The following DPYSL2 variants were observed in gnomAD, a reference collection of about 807,000 sequenced individuals.
The protein encoded by DPYSL2 is dihydropyrimidinase like 2.
A neutral mutation model predicts 69.9 loss-of-function variants in DPYSL2; 13 were observed. The ratio of observed to expected loss-of-function variants is 0.19; its 90% CI spans 0.12 to 0.30. The LOEUF is 0.30. Among genes scored for constraint, DPYSL2 ranks in the 10% least tolerant of loss-of-function variants. DPYSL2 has a pLI of 1.00. For missense variants in DPYSL2, 587 were observed against 918.9 expected (o/e 0.64, Z 4.67); for synonymous variants, 326 against 359.1 (o/e 0.91, Z 1.04).
intron 3 of DPYSL2, among the ~76,000 whole-genome samples, chr8:26,616,961 G>A (rs11775862): frequency 0.11 from 16,920 of 152,190 alleles, 1,165 homozygotes; most frequent in Middle Eastern, 0.22. Context: ...CCTGCTCCAC[G>A]TGCGTAACCC....
rs145604247 is a variant in DPYSL2 at position 26,607,237 on chromosome 8, C to T, written c.629-16906C>T. ...TGGTGCCTCACGCCTGTTATCCCAG[C>T]ACTTTGGGAGGCTGAGGTGGGTGAA... On this transcript the variant is annotated intron_variant, in intron 3 of 13. Coordinates refer to ENST00000521913, the MANE Select transcript of DPYSL2 (RefSeq NM_001197293.3). Among the ~76,000 whole-genome samples the T allele has an allele frequency of 3.1e-3, 473 of 152,242 alleles. 7 individuals carry two copies. The Middle Eastern group carries it at 0.037, about 12-fold the overall frequency.
At position 26,624,435 on chromosome 8, in the gene DPYSL2, G is replaced by C; in HGVS notation, c.793+128G>C. The C allele has an allele frequency of 8.0e-7, 1 of 1,250,746 alleles. No homozygotes were observed. The highest frequency in any genetic ancestry group is 1.1e-6 in the Non-Finnish European group (1 of 898,322). 77.5% of individuals were successfully genotyped at this position (1,250,746 alleles called of 1,614,324 possible). A position where few individuals can be genotyped will look rare whatever the true frequency, so the allele number is the denominator to read the frequency against. ...TGCCTCATGCCCATGCCTGCCCCTG[G>C]GAAGGAGAGAGGGCTTTGGGCCGCA... is the stretch of plus-strand genomic sequence containing the variant. On this transcript the variant is annotated intron_variant, in intron 4 of 13. Transcript: ENST00000521913. This position sits in a 1 kb window ranked among gnomAD's most constrained non-coding sequence, Gnocchi z 4.7.
At chr8:26,649,613 G>A (rs961850682) in intron 11 of DPYSL2, among the ~76,000 whole-genome samples, 3 of 152,186 alleles carry the variant, frequency 2.0e-5, no homozygotes, top group Non-Finnish European at 4.4e-5. Flanking sequence ...TTCATCTTCT[G>A]GGAAAATGCA....
At chr8:26,554,574 G>A (rs537512087) in intron 1 of DPYSL2, among the ~76,000 whole-genome samples, 14 of 152,096 alleles carry the variant, frequency 9.2e-5, no homozygotes, top group Non-Finnish European at 1.8e-4. Flanking sequence ...TGGCATCTTC[G>A]TCATGAAATC....
At chr8:26,559,769 C>G (rs1260492614) in intron 1 of DPYSL2, among the ~76,000 whole-genome samples, 1 of 152,160 alleles carries the variant, frequency 6.6e-6, no homozygotes, top group African/African-American at 2.4e-5. Context: ...ATCATCAGCT[C>G]TATTGATCTT....
chr8:26,644,318 A>AC lies in DPYSL2; in HGVS notation c.1425+227_1425+228insC, dbSNP rs1484496571. Among the ~76,000 whole-genome samples the AC allele has an allele frequency of 6.6e-6, 1 of 152,038 alleles. No homozygotes were observed. The highest frequency in any genetic ancestry group is 1.5e-5 in the Non-Finnish European group (1 of 67,994). ...TATTTCTTTTTAAAACAATTTTTAA[A>AC]TTTTTTTCAGACAAGGTCTTGCTCT... On this transcript the variant is annotated intron_variant, in intron 10 of 13. Coordinates refer to ENST00000521913, the MANE Select transcript of DPYSL2 (RefSeq NM_001197293.3). The surrounding 1 kb of genome is among the most constrained non-coding windows in gnomAD (Gnocchi z 4.5).
At chr8:26,519,499 G>C (rs1563372356) in intron 1 of DPYSL2, among the ~76,000 whole-genome samples, 1 of 152,096 alleles carries the variant, frequency 6.6e-6, no homozygotes, top group African/African-American at 2.4e-5. Context: ...TTAAATTCTA[G>C]ATTCTACATT....
intron 1 of DPYSL2, among the ~76,000 whole-genome samples, chr8:26,538,905 C>T (rs950916896): frequency 2.0e-5 from 3 of 152,188 alleles, no homozygotes; most frequent in South Asian, 2.1e-4. Context: ...CCCAACAACC[C>T]TCATCACATC....
chr8:26,524,133 A>G (rs11985336), intron 1 of DPYSL2, among the ~76,000 whole-genome samples: 1 of 152,214 alleles, frequency 6.6e-6, no homozygotes, highest in Non-Finnish European at 1.5e-5. Flanking sequence ...GACATTCCCA[A>G]CAACAGTTCC....
Position 26,641,558 on chromosome 8 carries a change from G to A in DPYSL2, c.1127-1881G>A, listed in dbSNP as rs901423599. Among the ~76,000 whole-genome samples the A allele has an allele frequency of 3.3e-5, 5 of 152,218 alleles. No homozygotes were observed. The highest frequency in any genetic ancestry group is 1.2e-4 in the African/African-American group (5 of 41,454). On this transcript the variant is annotated intron_variant, in intron 8 of 13. Coordinates refer to ENST00000521913, the MANE Select transcript of DPYSL2 (RefSeq NM_001197293.3). This position sits in a 1 kb window ranked among gnomAD's most constrained non-coding sequence, Gnocchi z 4.1. ...AGCGGCCAAGGCCTTCTCATTATGT[G>A]GTGTTTTTCCACTTCGGGATGAACC... is the stretch of plus-strand genomic sequence containing the variant.
At chr8:26,589,278 T>C (rs762983450) in intron 3 of DPYSL2, among the ~76,000 whole-genome samples, 1 of 152,240 alleles carries the variant, frequency 6.6e-6, no homozygotes, top group Non-Finnish European at 1.5e-5. Context: ...GATCTGTGGC[T>C]GCTGTGTGGC....
At chr8:26,556,285 A>AGTATATATATAGT (rs1261734787) in intron 1 of DPYSL2, among the ~76,000 whole-genome samples, 1 of 3,098 alleles carries the variant, frequency 3.2e-4, no homozygotes, top group Non-Finnish European at 1.0e-3. Context: ...GTATTTATAT[A>AGTATATATATAGT]ATATATATAG....
In DPYSL2 at chr8:26,560,046, C is replaced by T. The variant is rs1395238263; in HGVS notation, c.355-21923C>T. On this transcript the variant is annotated intron_variant, in intron 1 of 13. Coordinates refer to ENST00000521913, the MANE Select transcript of DPYSL2 (RefSeq NM_001197293.3). The surrounding 1 kb of genome is among the most constrained non-coding windows in gnomAD (Gnocchi z 4.4). ...CTCCACTTTCCTTTGCCTCACATCC[C>T]AGCTCTGCCATGGCTAGTCCATGGG... 6.6e-6 allele frequency among the ~76,000 whole-genome samples: 1 copy of T among 152,212 alleles called. No homozygotes were observed. Among genetic ancestry groups the T allele is most frequent in the African/African-American group, 2.4e-5 (1 of 41,462 alleles).
chr8:26,582,211 A>T lies in DPYSL2; in HGVS notation c.443+154A>T, dbSNP rs563340893. ...AAACTGGTTTTGATTGGTGGTAATTAGTGAATTTGAAAACTCAAATTTAGG... is the reference window on the plus strand; with the variant it reads ...AAACTGGTTTTGATTGGTGGTAATTTGTGAATTTGAAAACTCAAATTTAGG... On this transcript the variant is annotated intron_variant, in intron 2 of 13. Transcript: ENST00000521913. This position sits in a 1 kb window ranked among gnomAD's most constrained non-coding sequence, Gnocchi z 4.1. 4.6e-4 allele frequency among the ~76,000 whole-genome samples: 70 copies of T among 152,362 alleles called. No homozygotes were observed. Among genetic ancestry groups the T allele is most frequent in the African/African-American group, 1.6e-3 (68 of 41,588 alleles).
rs1412469113 is a variant in DPYSL2 at position 26,620,331 on chromosome 8, A to T, written c.629-3812A>T. ...GAGTGCAGTGGTGCAATCTCAGCTC[A>T]CTGCAACCTCCGCCTCCTGGGTTCA... On this transcript the variant is annotated intron_variant, in intron 3 of 13. Coordinates refer to ENST00000521913, the MANE Select transcript of DPYSL2 (RefSeq NM_001197293.3). This position sits in a 1 kb window ranked among gnomAD's most constrained non-coding sequence, Gnocchi z 4.5. Among the ~76,000 whole-genome samples, 2 of 152,072 alleles carry T rather than the reference A, an allele frequency of 1.3e-5. No homozygotes were observed. Among genetic ancestry groups the T allele is most frequent in the African/African-American group, 4.8e-5 (2 of 41,388 alleles).
intron 1 of DPYSL2, chr8:26,578,158 A>G: frequency 1.3e-6 from 2 of 1,599,782 alleles, no homozygotes; most frequent in East Asian, 4.5e-5. Flanking sequence ...CTTGCAAAGG[A>G]AAAAAACAAA....
rs1157493768 is a variant in DPYSL2 at position 26,610,524 on chromosome 8, A to AAG, written c.629-13619_629-13618insAG. Among the ~76,000 whole-genome samples, 1 of 152,174 alleles carries AAG rather than the reference A, an allele frequency of 6.6e-6. No homozygotes were observed. Among genetic ancestry groups the AAG allele is most frequent in the East Asian group, 1.9e-4 (1 of 5,184 alleles). The stretch of plus-strand genomic sequence containing the variant: ...GTTTGGGTCGTATGCAGTTTCATGC[A>AAG]GAAGACTTAGCTAGATGAGTGACTC... On this transcript the variant is annotated intron_variant, in intron 3 of 13. Transcript: ENST00000521913. This position sits in a 1 kb window ranked among gnomAD's most constrained non-coding sequence, Gnocchi z 4.5.
Position 26,656,009 on chromosome 8 carries a change from G to A in DPYSL2, c.*303G>A, listed in dbSNP as rs76752934. 13,156 of 282,538 alleles carry A rather than the reference G, an allele frequency of 0.047. 448 individuals are homozygous for A. Among genetic ancestry groups the A allele is most frequent in the Non-Finnish European group, 0.062 (9,532 of 152,866 alleles). 17.5% of individuals were successfully genotyped at this position (282,538 alleles called of 1,614,324 possible). A position where few individuals can be genotyped will look rare whatever the true frequency, so the allele number is the denominator to read the frequency against. On this transcript the variant is annotated 3_prime_UTR_variant, in exon 14 of 14. Coordinates refer to ENST00000521913, the MANE Select transcript of DPYSL2 (RefSeq NM_001197293.3). ...GACATGCGAACAAGCAGCCCCCAGCGAGGGTCTCCTTCGCCTTCAACCTCC... is the reference window on the plus strand; with the variant it reads ...GACATGCGAACAAGCAGCCCCCAGCAAGGGTCTCCTTCGCCTTCAACCTCC...
At chr8:26,577,159 C>T in intron 1 of DPYSL2, 1 of 447,584 alleles carries the variant, frequency 2.2e-6, no homozygotes, top group Non-Finnish European at 4.5e-6. Flanking sequence ...TCAGGGCTCT[C>T]ATTTCCTGCA....
Sources: gnomAD v4.1 joint callset for allele counts (sites outside exome capture counted in the v4.1 genomes callset) on GRCh38, gnomAD v4.1.1 for gene constraint, Gnocchi (gnomAD v3.1) non-coding constraint, MANE v1.5 for transcripts, NCBI Gene and HGNC (gene_info 2026-07-23, HGNC 2026-07-21) for gene names.